XKR6: variants seen among roughly 807,000 people sequenced by gnomAD.
The protein encoded by XKR6 is XK related 6.
Under a neutral mutation model 56.7 loss-of-function variants are expected in XKR6, and 22 were observed. That is an observed-to-expected ratio of 0.39 (90% CI 0.28 to 0.55). XKR6 has a LOEUF of 0.55. Ranked by LOEUF, XKR6 falls within the 20% of genes least tolerant of loss-of-function variation. The pLI is 0.66. For missense variants in XKR6, 852 were observed against 889.0 expected (o/e 0.96, Z 0.53); for synonymous variants, 524 against 387.8 (o/e 1.35, Z -4.13).
At chr8:11,027,911 C>T (rs1194623194) in intron 1 of XKR6, among the ~76,000 whole-genome samples, 1 of 152,158 alleles carries the variant, frequency 6.6e-6, no homozygotes, top group Non-Finnish European at 1.5e-5. Flanking sequence ...CAACATCCCA[C>T]CCCTCCAGAG....
chr8:11,046,138 C>T (rs1235827562), intron 1 of XKR6, among the ~76,000 whole-genome samples: 3 of 152,154 alleles, frequency 2.0e-5, no homozygotes, highest in Non-Finnish European at 4.4e-5. Flanking sequence ...GTGGCTCACA[C>T]CTGTAATCCC....
At chr8:10,985,559 T>A (rs1425938542) in intron 1 of XKR6, among the ~76,000 whole-genome samples, 4 of 149,538 alleles carry the variant, frequency 2.7e-5, no homozygotes, top group Non-Finnish European at 5.9e-5. Flanking sequence ...TTACCAAAAC[T>A]TACTCTTGCT....
intron 1 of XKR6, among the ~76,000 whole-genome samples, chr8:10,968,100 C>T (rs866482540): frequency 3.9e-5 from 6 of 152,302 alleles, no homozygotes; most frequent in African/African-American, 1.4e-4. Flanking sequence ...CCCCCTGGTA[C>T]CCAGGGTCTG....
At chr8:11,003,420 C>G (rs1010401018) in intron 1 of XKR6, among the ~76,000 whole-genome samples, 1 of 152,074 alleles carries the variant, frequency 6.6e-6, no homozygotes, top group Admixed American at 6.6e-5. Flanking sequence ...TCATAATTAT[C>G]ATCAACATCA....
intron 1 of XKR6, among the ~76,000 whole-genome samples, chr8:10,956,257 C>T (rs1287208747): frequency 6.6e-6 from 1 of 152,210 alleles, no homozygotes; most frequent in Non-Finnish European, 1.5e-5. Context: ...TCCTCTGTGG[C>T]CTCCCTCACT....
intron 2 of XKR6, among the ~76,000 whole-genome samples, chr8:10,903,723 C>T (rs182359041): frequency 5.3e-5 from 8 of 152,230 alleles, no homozygotes; most frequent in African/African-American, 1.4e-4. Flanking sequence ...AGAAGACAGG[C>T]GTCTACAATC....
chr8:10,961,493 C>G (rs1802059347), intron 1 of XKR6, among the ~76,000 whole-genome samples: 1 of 152,228 alleles, frequency 6.6e-6, no homozygotes, highest in Admixed American at 6.5e-5. Context: ...AGCCAGAACC[C>G]AGGCCCAGCC....
intron 2 of XKR6, among the ~76,000 whole-genome samples, chr8:10,920,203 G>A (rs1010883470): frequency 9.2e-5 from 14 of 152,008 alleles, no homozygotes; most frequent in Non-Finnish European, 1.6e-4. Context: ...AAGCAAGGTC[G>A]GTGAGCCACA....
At chr8:11,155,134 C>A (rs900177825) in intron 1 of XKR6, among the ~76,000 whole-genome samples, 2 of 152,212 alleles carry the variant, frequency 1.3e-5, no homozygotes, top group African/African-American at 4.8e-5. Context: ...TGCATACTCC[C>A]ACAACTGTGC....
intron 1 of XKR6, among the ~76,000 whole-genome samples, chr8:11,156,055 G>A (rs1801504497): frequency 6.6e-6 from 1 of 152,026 alleles, no homozygotes; most frequent in South Asian, 2.1e-4. Flanking sequence ...AGTCTCTCCT[G>A]ACTTGCAACA....
chr8:11,048,155 G>T (rs1360874253), intron 1 of XKR6, among the ~76,000 whole-genome samples: 1 of 152,186 alleles, frequency 6.6e-6, no homozygotes, highest in Non-Finnish European at 1.5e-5. Context: ...TGTTGAGCTG[G>T]TAACACTCAG....
At chr8:11,093,602 A>T (rs2129173670) in intron 1 of XKR6, among the ~76,000 whole-genome samples, 1 of 152,246 alleles carries the variant, frequency 6.6e-6, no homozygotes, top group African/African-American at 2.4e-5. Context: ...ATTCTCTAAG[A>T]TGCCTTCAAA....
intron 1 of XKR6, among the ~76,000 whole-genome samples, chr8:10,987,567 G>A (rs1424619109): frequency 6.6e-6 from 1 of 152,202 alleles, no homozygotes; most frequent in Admixed American, 6.5e-5. Flanking sequence ...CTGCTGTGCA[G>A]TGGACACTAA....
intron 1 of XKR6, among the ~76,000 whole-genome samples, chr8:11,130,611 G>A (rs911880255): frequency 3.3e-5 from 5 of 151,114 alleles, no homozygotes; most frequent in Non-Finnish European, 5.9e-5. Flanking sequence ...CTCCCTCGCC[G>A]GTTTTTTTTT....
chr8:11,002,912 T>C (rs1028414766), intron 1 of XKR6, among the ~76,000 whole-genome samples: 3 of 151,844 alleles, frequency 2.0e-5, no homozygotes, highest in African/African-American at 7.3e-5. Flanking sequence ...TGAATGAAAA[T>C]CATGATGTTG....
intron 1 of XKR6, among the ~76,000 whole-genome samples, chr8:11,047,092 T>C (rs941807075): frequency 3.3e-5 from 5 of 152,176 alleles, no homozygotes; most frequent in African/African-American, 4.8e-5. Flanking sequence ...ATGGTGACTA[T>C]AGTTAATAAC....
intron 1 of XKR6, among the ~76,000 whole-genome samples, chr8:11,060,166 T>C (rs1586490567): frequency 6.6e-6 from 1 of 152,094 alleles, no homozygotes; most frequent in Non-Finnish European, 1.5e-5. Flanking sequence ...CAGGCGGAGA[T>C]AAAGAGAACC....
At chr8:11,043,670 C>T (rs77970619) in intron 1 of XKR6, among the ~76,000 whole-genome samples, 10,031 of 152,302 alleles carry the variant, frequency 0.066, 379 homozygotes, top group South Asian at 0.11. Context: ...TCCCAAACCA[C>T]TGAATGGTCC....
intron 1 of XKR6, among the ~76,000 whole-genome samples, chr8:11,052,937 C>T (rs555715276): frequency 5.3e-5 from 8 of 152,198 alleles, no homozygotes; most frequent in African/African-American, 1.7e-4. Flanking sequence ...GCTGAAGCCC[C>T]GGCCTGTGCT....
Sources: gnomAD v4.1 joint callset for allele counts (sites outside exome capture counted in the v4.1 genomes callset) on GRCh38, gnomAD v4.1.1 for gene constraint, MANE v1.5 for transcripts, NCBI Gene and HGNC (gene_info 2026-07-23, HGNC 2026-07-21) for gene names.